The following ROBO2 variants were observed in gnomAD, a reference collection of about 807,000 sequenced individuals.
The protein encoded by ROBO2 is roundabout guidance receptor 2, also known as roundabout homolog 2.
Under a neutral mutation model 160.8 loss-of-function variants are expected in ROBO2, and 53 were observed. That is an observed-to-expected ratio of 0.33 (90% CI 0.26 to 0.41). The LOEUF is 0.41. Among genes scored for constraint, ROBO2 ranks in the 10% least tolerant of loss-of-function variants. The pLI is 1.00. For synonymous variants in ROBO2, 664 were observed against 611.7 expected (o/e 1.09, Z -1.26); for missense variants, 1,577 against 1,722.4 (o/e 0.92, Z 1.49).
At chr3:76,170,026 C>T (rs1458158559) in intron 2 of ROBO2, among the ~76,000 whole-genome samples, 1 of 152,138 alleles carries the variant, frequency 6.6e-6, no homozygotes, top group East Asian at 1.9e-4. Flanking sequence ...ATGATCCACT[C>T]GGCTCAGCCT....
rs529060350 is a variant in ROBO2 at position 77,471,677 on chromosome 3, A to G, written c.389-5737A>G. Among the ~76,000 whole-genome samples the G allele has an allele frequency of 5.9e-5, 9 of 152,368 alleles. No homozygotes were observed. In the East Asian group the frequency reaches 1.7e-3, roughly 29 times the overall value. The stretch of plus-strand genomic sequence containing the variant: ...CATATTAACAGGAGAAAAAGGCTAC[A>G]TATTTACTATGCACACATGTGCATA... On this transcript the variant is annotated intron_variant, in intron 2 of 25. Transcript: ENST00000461745.
chr3:77,257,857 T>A (rs1370593285), intron 2 of ROBO2, among the ~76,000 whole-genome samples: 1 of 152,230 alleles, frequency 6.6e-6, no homozygotes, highest in African/African-American at 2.4e-5. Context: ...GAAAAAATAA[T>A]GTGTAATAAC....
intron 2 of ROBO2, among the ~76,000 whole-genome samples, chr3:76,512,397 A>C (rs913740380): frequency 6.6e-6 from 1 of 151,564 alleles, no homozygotes; most frequent in African/African-American, 2.4e-5. Flanking sequence ...AAAGCCTGCC[A>C]TTGTCAGCTG....
intron 2 of ROBO2, among the ~76,000 whole-genome samples, chr3:76,926,651 G>A (rs1298759338): frequency 6.6e-6 from 1 of 152,196 alleles, no homozygotes; most frequent in Non-Finnish European, 1.5e-5. Flanking sequence ...AGTAAGTAGG[G>A]AGAGAGAGAA....
chr3:77,297,420 A>C (rs1219175138), intron 2 of ROBO2, among the ~76,000 whole-genome samples: 1 of 152,062 alleles, frequency 6.6e-6, no homozygotes, highest in African/African-American at 2.4e-5. Context: ...ATTTTTGAAA[A>C]CGAGGGGAAG....
chr3:77,322,961 A>G (rs2064936430), intron 2 of ROBO2, among the ~76,000 whole-genome samples: 1 of 21,064 alleles, frequency 4.7e-5, no homozygotes, highest in Non-Finnish European at 1.3e-4. Flanking sequence ...ATTATGGATA[A>G]TATAATATAT....
intron 2 of ROBO2, among the ~76,000 whole-genome samples, chr3:77,034,245 T>C (rs1366866601): frequency 6.6e-6 from 1 of 151,700 alleles, no homozygotes; most frequent in Non-Finnish European, 1.5e-5. Context: ...GCCAGGGAGA[T>C]TTTTTTCATT....
Position 76,790,032 on chromosome 3 carries a change from A to G in ROBO2, c.110-307982A>G, listed in dbSNP as rs57830308. Among the ~76,000 whole-genome samples the G allele has an allele frequency of 2.6e-3, 394 of 151,822 alleles. 2 individuals carry two copies. Among genetic ancestry groups the G allele is most frequent in the African/African-American group, 8.8e-3 (366 of 41,506 alleles). Reference sequence around the variant, plus strand: ...GTGAAATAATTTTAAAGTTTAAACTATGATTGAATTTTTATTTTGGCAAGT... The same window carrying G: ...GTGAAATAATTTTAAAGTTTAAACTGTGATTGAATTTTTATTTTGGCAAGT... On this transcript the variant is annotated intron_variant, in intron 2 of 26. Transcript: ENST00000487694.
At chr3:77,025,953 T>C (rs1267299142) in intron 2 of ROBO2, among the ~76,000 whole-genome samples, 3 of 152,348 alleles carry the variant, frequency 2.0e-5, no homozygotes, top group Middle Eastern at 3.4e-3. Context: ...AATTTATGTA[T>C]TTATTTTAGA....
At chr3:76,213,805 A>T (rs756684862) in intron 2 of ROBO2, among the ~76,000 whole-genome samples, 2 of 152,196 alleles carry the variant, frequency 1.3e-5, no homozygotes, top group Non-Finnish European at 2.9e-5. Flanking sequence ...ATTGAGAATA[A>T]ATTAAGCAAA....
intron 2 of ROBO2, among the ~76,000 whole-genome samples, chr3:76,983,408 A>G (rs564629580): frequency 1.3e-5 from 2 of 152,348 alleles, no homozygotes; most frequent in East Asian, 3.9e-4. Flanking sequence ...TTAACAGACA[A>G]TATATGATTT....
At chr3:76,512,498 G>A (rs1383185414) in intron 2 of ROBO2, among the ~76,000 whole-genome samples, 6 of 151,842 alleles carry the variant, frequency 4.0e-5, no homozygotes, top group Admixed American at 3.9e-4. Flanking sequence ...CTCTATTATG[G>A]TATTTTTTAC....
chr3:76,355,305 C>T (rs900822451), intron 2 of ROBO2, among the ~76,000 whole-genome samples: 1 of 151,738 alleles, frequency 6.6e-6, no homozygotes, highest in African/African-American at 2.4e-5. Context: ...TGTAGGTTAA[C>T]AGTGCCTGAC....
intron 4 of ROBO2, among the ~76,000 whole-genome samples, chr3:77,492,841 G>A (rs889918281): frequency 3.9e-5 from 6 of 152,050 alleles, no homozygotes; most frequent in African/African-American, 9.7e-5. Context: ...TTTTTTAAAT[G>A]TTTTTATCCC....
chr3:77,475,921 A>T (rs1486531301), intron 2 of ROBO2, among the ~76,000 whole-genome samples: 1 of 152,216 alleles, frequency 6.6e-6, no homozygotes, highest in East Asian at 1.9e-4. Flanking sequence ...CAGAGCTAAA[A>T]TGGAACACAT....
At chr3:76,570,457 TAACTC>T (rs1368326920) in intron 2 of ROBO2, among the ~76,000 whole-genome samples, 6 of 152,200 alleles carry the variant, frequency 3.9e-5, no homozygotes, top group Non-Finnish European at 7.3e-5. Flanking sequence ...CGCTTTAAAA[TAACTC>T]AATTATCAAA....
At chr3:76,837,490 C>G (rs544879557) in intron 2 of ROBO2, among the ~76,000 whole-genome samples, 1 of 151,446 alleles carries the variant, frequency 6.6e-6, no homozygotes, top group East Asian at 1.9e-4. Flanking sequence ...GTGTTCCTAT[C>G]ATTTTACATA....
chr3:77,508,953 A>G (rs1450315029), intron 5 of ROBO2, among the ~76,000 whole-genome samples: 1 of 152,098 alleles, frequency 6.6e-6, no homozygotes, highest in Non-Finnish European at 1.5e-5. Flanking sequence ...TAGTTGGGAT[A>G]GACTGCTTCA....
At chr3:77,164,388 TGGGGGGTC>T in intron 2 of ROBO2, among the ~76,000 whole-genome samples, 1 of 83,080 alleles carries the variant, frequency 1.2e-5, no homozygotes, top group Non-Finnish European at 3.4e-5. Flanking sequence ...GGGAGGGAGG[TGGGGGGTC>T]AGCCCCCCGC....
Sources: gnomAD v4.1 joint callset for allele counts (sites outside exome capture counted in the v4.1 genomes callset) on GRCh38, gnomAD v4.1.1 for gene constraint, MANE v1.5 for transcripts, NCBI Gene and HGNC (gene_info 2026-07-23, HGNC 2026-07-21) for gene names.